Variants in VWA8 observed in about 807,000 individuals in gnomAD.
VWA8 encodes the protein von Willebrand factor A domain containing 8.
Under a neutral mutation model 241.5 loss-of-function variants are expected in VWA8, and 221 were observed. The ratio of observed to expected loss-of-function variants is 0.91; its 90% CI spans 0.82 to 1.02. The LOEUF (loss-of-function observed/expected upper bound fraction) is 1.02, where lower values mean the gene tolerates loss of function less well. Ranked by LOEUF, VWA8 falls within the 50% of genes least tolerant of loss-of-function variation. The pLI is 0.00. For missense variants in VWA8, 2,322 were observed against 2,328.7 expected (o/e 1.00, Z 0.06); for synonymous variants, 852 against 827.1 (o/e 1.03, Z -0.52).
chr13:41,701,387 C>T lies in VWA8; in HGVS notation c.3364+5G>A, dbSNP rs754068465. 14 of 1,593,258 alleles carry T rather than the reference C, an allele frequency of 8.8e-6. No individual in the cohort carries two copies. The highest frequency in any genetic ancestry group is 1.2e-5 in the Non-Finnish European group (14 of 1,172,610). On this transcript the variant is annotated splice_donor_5th_base_variant and intron_variant, in intron 28 of 44. Coordinates refer to ENST00000379310, the MANE Select transcript of VWA8 (RefSeq NM_015058.2). The stretch of plus-strand genomic sequence containing the variant: ...AGGAAAGATCAAAAGAATAAGCAGA[C>T]ATACCATGTGATGTAGCAATGTCAC...
rs1363845266 is a variant in VWA8, at chr13:41,611,672, T to A, written c.4781A>T (p.His1594Leu). The change falls in exon 39 of 45, where the codon CAT becomes CTT. Residue 1594 changes from histidine to leucine, a missense_variant. Physicochemically the swap from His to Leu is moderately conservative, Grantham distance 99. Transcript: ENST00000379310. The part of the protein sequence containing the change: ...KGGPYRLDAG[H>L]TVYQVSQAEK... ...AGCCTGAGAGACCTGGTACACCGTA[T>A]GGCCTGCATCCAGCCGGTAAGGGCC... 1 of 1,614,130 alleles carries A rather than the reference T, an allele frequency of 6.2e-7. No individual in the cohort carries two copies. The highest frequency in any genetic ancestry group is 1.7e-5 in the Admixed American group (1 of 60,028).
intron 26 of VWA8, among the ~76,000 whole-genome samples, chr13:41,703,799 C>T (rs570351327): frequency 1.6e-3 from 225 of 137,362 alleles, no homozygotes; most frequent in African/African-American, 6.0e-3. Flanking sequence ...TTTTTTGAGA[C>T]GAAGTTTCAC....
At position 41,865,920 on chromosome 13, in the gene VWA8, T is replaced by C; in HGVS notation, c.1329A>G (p.Ile443Met). ...EMMQSHMVKD[I>M]CLIGGKGCGK... The stretch of plus-strand genomic sequence containing the variant: ...TTCTTACCTTTCCTCCAATTAAACA[T>C]ATATCTTTAACCATGTGAGACTGCA... The change falls in exon 11 of 45, where the codon ATA becomes ATG. Residue 443 changes from isoleucine to methionine, a missense_variant. Ile to Met is a conservative substitution (Grantham distance 10). Coordinates refer to ENST00000379310, the MANE Select transcript of VWA8 (RefSeq NM_015058.2). The C allele has an allele frequency of 2.5e-6, 4 of 1,614,216 alleles. No individual in the cohort carries two copies. The highest frequency in any genetic ancestry group is 3.4e-6 in the Non-Finnish European group (4 of 1,180,036).
At chr13:41,882,145 G>T (rs1026986448) in intron 9 of VWA8, among the ~76,000 whole-genome samples, 1 of 150,800 alleles carries the variant, frequency 6.6e-6, no homozygotes, top group Non-Finnish European at 1.5e-5. Context: ...CCGGGTGGAG[G>T]TGCTCCTCAC....
chr13:41,869,993 T>C (rs765637169), intron 9 of VWA8, among the ~76,000 whole-genome samples: 5 of 152,098 alleles, frequency 3.3e-5, no homozygotes, highest in South Asian at 2.1e-4. Context: ...CTCCAGAAAA[T>C]AGATTTGGGA....
intron 35 of VWA8, 149 bp downstream of exon 35, chr13:41,684,898 C>T (rs575196189): frequency 1.2e-4 from 84 of 690,980 alleles, no homozygotes; most frequent in South Asian, 6.9e-4. Context: ...TTTCTGAATA[C>T]GGAGAGGTCT....
At chr13:41,859,239 A>G (rs1872899255) in intron 12 of VWA8, among the ~76,000 whole-genome samples, 1 of 152,176 alleles carries the variant, frequency 6.6e-6, no homozygotes, top group Non-Finnish European at 1.5e-5. Flanking sequence ...TGAATCCAAG[A>G]CACAGACCAA....
intron 20 of VWA8, among the ~76,000 whole-genome samples, chr13:41,766,445 G>C (rs1174837914): frequency 6.6e-6 from 1 of 152,188 alleles, no homozygotes; most frequent in African/African-American, 2.4e-5. Flanking sequence ...TGAAGGATTT[G>C]TAACAGACCT....
chr13:41,850,813 C>T (rs1270404711), intron 12 of VWA8, among the ~76,000 whole-genome samples: 3 of 152,144 alleles, frequency 2.0e-5, no homozygotes, highest in Non-Finnish European at 4.4e-5. Flanking sequence ...GGAACCAAAA[C>T]CACCAGAAGA....
At chr13:41,672,646 G>A (rs1025133171) in intron 36 of VWA8, among the ~76,000 whole-genome samples, 2 of 152,124 alleles carry the variant, frequency 1.3e-5, no homozygotes, top group East Asian at 3.8e-4. Flanking sequence ...AACACAGAGT[G>A]ACAAGGGCGG....
intron 12 of VWA8, among the ~76,000 whole-genome samples, chr13:41,835,414 T>G (rs182451443): frequency 3.2e-4 from 49 of 152,348 alleles, no homozygotes; most frequent in Non-Finnish European, 4.4e-4. Context: ...TAAATAACTT[T>G]ATTTAATTCT....
intron 18 of VWA8, among the ~76,000 whole-genome samples, chr13:41,785,337 GTCTGACAT>G (rs1248301534): frequency 1.3e-5 from 2 of 152,076 alleles, no homozygotes; most frequent in African/African-American, 4.8e-5. Flanking sequence ...ATTTAGTCTA[GTCTGACAT>G]TCTTTCTACC....
intron 2 of VWA8, among the ~76,000 whole-genome samples, chr13:41,922,138 C>T (rs1330079620): frequency 1.3e-5 from 2 of 152,198 alleles, no homozygotes; most frequent in Non-Finnish European, 2.9e-5. Context: ...CACACATCTA[C>T]AACCATCTGA....
chr13:41,699,172 CA>C lies in VWA8; in HGVS notation c.3462del (p.Phe1154LeufsTer16), dbSNP rs764149035. On this transcript the variant is annotated frameshift_variant, in exon 29 of 45. Coordinates refer to ENST00000379310, the MANE Select transcript of VWA8 (RefSeq NM_015058.2). LOFTEE classifies it high-confidence loss of function. ...TGKSGFFVDF[F>X]DIFPRTANGV... ...CCATTGGCTGTTCTTGGGAAGATAT[CA>C]AAAAAGTCCACAAAGAAGCCACTTT... 1.2e-6 allele frequency: 2 copies of C among 1,614,000 alleles called. No individual in the cohort carries two copies. Among genetic ancestry groups the C allele is most frequent in the Non-Finnish European group, 1.7e-6 (2 of 1,179,972 alleles).
rs555640462 is a variant in VWA8 at position 41,569,737 on chromosome 13, T to G, written c.5609+731A>C. 9.2e-5 allele frequency among the ~76,000 whole-genome samples: 14 copies of G among 152,150 alleles called. No individual in the cohort carries two copies. In the South Asian group the frequency reaches 2.9e-3, roughly 32 times the overall value. On this transcript the variant is annotated intron_variant, in intron 44 of 44. Coordinates refer to ENST00000379310, the MANE Select transcript of VWA8 (RefSeq NM_015058.2). ...AGAAAAACCATGAGCTCTTTCTGTTTGTAATTCAAAAAGATAAATGTTATT... is the reference window on the plus strand; with the variant it reads ...AGAAAAACCATGAGCTCTTTCTGTTGGTAATTCAAAAAGATAAATGTTATT...
intron 21 of VWA8, among the ~76,000 whole-genome samples, chr13:41,754,958 A>G (rs1410526795): frequency 6.6e-6 from 1 of 152,016 alleles, no homozygotes; most frequent in Non-Finnish European, 1.5e-5. Flanking sequence ...TTATGGCCGA[A>G]TAGTACTCTA....
chr13:41,670,134 C>T (rs1023390716), intron 37 of VWA8, among the ~76,000 whole-genome samples: 2 of 152,062 alleles, frequency 1.3e-5, no homozygotes, highest in African/African-American at 2.4e-5. Context: ...TTTTGCTAAT[C>T]GGCTCTTTGC....
chr13:41,854,203 T>C (rs1872643757), intron 12 of VWA8, among the ~76,000 whole-genome samples: 1 of 152,142 alleles, frequency 6.6e-6, no homozygotes, highest in Non-Finnish European at 1.5e-5. Flanking sequence ...GTTCTAGTTG[T>C]TGCCTAAAAA....
chr13:41,769,942 A>C (rs17062537), intron 20 of VWA8, among the ~76,000 whole-genome samples: 2,264 of 152,334 alleles, frequency 0.015, 52 homozygotes, highest in African/African-American at 0.052. Flanking sequence ...AAGACGATTG[A>C]ATCAACATAG....
Sources: gnomAD v4.1 joint callset for allele counts (sites outside exome capture counted in the v4.1 genomes callset) on GRCh38, gnomAD v4.1.1 for gene constraint, MANE v1.5 for transcripts, NCBI Gene and HGNC (gene_info 2026-07-23, HGNC 2026-07-21) for gene names.